The following SUPT3H variants were observed in gnomAD, a reference collection of about 807,000 sequenced individuals.
SUPT3H encodes SPT3 homolog, SAGA and STAGA complex component.
In SUPT3H, 44 loss-of-function variants were observed where a neutral mutation model predicts 44.3. That is an observed-to-expected ratio of 0.99 (90% confidence interval 0.78 to 1.28). SUPT3H has a LOEUF of 1.28. SUPT3H is among the 50% of genes most tolerant of loss of function. The pLI is 0.00. For missense variants in SUPT3H, 380 were observed against 387.1 expected (o/e 0.98, Z 0.15); for synonymous variants, 124 against 125.6 (o/e 0.99, Z 0.09).
chr6:45,304,758 G>C (rs1156916572), intron 2 of SUPT3H, among the ~76,000 whole-genome samples: 8 of 151,736 alleles, frequency 5.3e-5, no homozygotes, highest in Non-Finnish European at 1.2e-4. Context: ...ACCATTTAAT[G>C]GGTAAGAATG....
intron 9 of SUPT3H, among the ~76,000 whole-genome samples, chr6:44,935,611 C>T (rs1771275268): frequency 6.6e-6 from 1 of 152,152 alleles, no homozygotes; most frequent in African/African-American, 2.4e-5. Context: ...ATGTCAGGTC[C>T]TCTTCCTCTT....
At chr6:45,255,399 TAAC>T (rs1773182845) in intron 2 of SUPT3H, among the ~76,000 whole-genome samples, 1 of 149,118 alleles carries the variant, frequency 6.7e-6, no homozygotes, top group African/African-American at 2.5e-5. Flanking sequence ...ATTTCATTCT[TAAC>T]AACAACCTAT....
chr6:45,017,391 T>C (rs1784456675), intron 4 of SUPT3H, among the ~76,000 whole-genome samples: 1 of 151,202 alleles, frequency 6.6e-6, no homozygotes, highest in African/African-American at 2.4e-5. Context: ...TGCCATTGCT[T>C]TTGGTGTTTT....
intron 10 of SUPT3H, among the ~76,000 whole-genome samples, chr6:44,848,532 T>C (rs1442969054): frequency 6.6e-6 from 1 of 152,236 alleles, no homozygotes; most frequent in Non-Finnish European, 1.5e-5. Flanking sequence ...CTGTTGTCTT[T>C]ATTCTTGTGA....
At chr6:44,908,227 C>CGTG (rs1766428778) in intron 10 of SUPT3H, among the ~76,000 whole-genome samples, 1 of 150,500 alleles carries the variant, frequency 6.6e-6, no homozygotes, top group African/African-American at 2.4e-5. Context: ...TCTGAGCTCA[C>CGTG]TGCAAGCTCT....
At chr6:45,375,599 C>T (rs1397252808) in intron 1 of SUPT3H, among the ~76,000 whole-genome samples, 2 of 116,906 alleles carry the variant, frequency 1.7e-5, no homozygotes, top group East Asian at 3.9e-4. Flanking sequence ...AGGCTGGAAG[C>T]CTGGCCTGAC....
intron 3 of SUPT3H, among the ~76,000 whole-genome samples, chr6:45,088,575 T>G (rs1454864454): frequency 6.6e-6 from 1 of 152,092 alleles, no homozygotes; most frequent in African/African-American, 2.4e-5. Context: ...TGGCAAGTTA[T>G]GAAGCCAAGA....
intron 2 of SUPT3H, among the ~76,000 whole-genome samples, chr6:45,220,443 C>A (rs1356274957): frequency 6.6e-6 from 1 of 151,906 alleles, no homozygotes; most frequent in South Asian, 2.1e-4. Context: ...TTCCCAACAA[C>A]CAAAAAATGA....
intron 2 of SUPT3H, among the ~76,000 whole-genome samples, chr6:45,320,968 A>ATG (rs1303045582): frequency 2.6e-5 from 4 of 152,132 alleles, no homozygotes; most frequent in Non-Finnish European, 5.9e-5. Context: ...GCTTTTATAT[A>ATG]TATATTCCAG....
rs118096352 is a variant in SUPT3H at position 44,878,590 on chromosome 6, C to T, written c.913-48733G>A. Among the ~76,000 whole-genome samples, 126 of 151,974 alleles carry T rather than the reference C, an allele frequency of 8.3e-4. No homozygotes were observed. The East Asian group carries it at 0.021, about 26-fold the overall frequency. On this transcript the variant is annotated intron_variant, in intron 10 of 10. Transcript: ENST00000371459. ...GAAACTGGAACACTTACGCATTGCT[C>T]GTAGTAATATAAAATGGTATAGCTG...
At chr6:45,018,182 T>C (rs1223967374) in intron 4 of SUPT3H, among the ~76,000 whole-genome samples, 1 of 152,260 alleles carries the variant, frequency 6.6e-6, no homozygotes. Context: ...CTTGTGATTT[T>C]TGTACATTGA....
chr6:44,844,095 C>A (rs1009138925), intron 10 of SUPT3H, among the ~76,000 whole-genome samples: 7 of 152,038 alleles, frequency 4.6e-5, no homozygotes, highest in African/African-American at 4.8e-5. Flanking sequence ...TAGACCTACA[C>A]GTTTTTGGAG....
chr6:45,296,302 G>A (rs1439244903), intron 2 of SUPT3H, among the ~76,000 whole-genome samples: 1 of 151,774 alleles, frequency 6.6e-6, no homozygotes. Flanking sequence ...TCTAAGTGAA[G>A]TAATGCAGGA....
At chr6:44,905,497 A>C (rs552455284) in intron 10 of SUPT3H, among the ~76,000 whole-genome samples, 15 of 150,426 alleles carry the variant, frequency 1.0e-4, no homozygotes, top group Non-Finnish European at 2.1e-4. Context: ...TTAGAATGGC[A>C]ATCATTAAAA....
At chr6:44,886,144 T>C (rs918076933) in intron 10 of SUPT3H, among the ~76,000 whole-genome samples, 2 of 152,154 alleles carry the variant, frequency 1.3e-5, no homozygotes, top group South Asian at 2.1e-4. Flanking sequence ...GTCTGATTGG[T>C]GTTCCTGAAA....
rs1809657694 is a variant in SUPT3H at position 45,165,298 on chromosome 6, T to C, written c.102-59292A>G. On this transcript the variant is annotated intron_variant, in intron 2 of 10. Transcript: ENST00000371459. ...TCTACTGGAGAAGACTGAAGCCTGG[T>C]GTACTAAAAATGAATGTAGCAACAC... is the stretch of plus-strand genomic sequence containing the variant. Among the ~76,000 whole-genome samples, 3 of 152,136 alleles carry C rather than the reference T, an allele frequency of 2.0e-5. No individual in the cohort carries two copies. In the South Asian group the frequency reaches 6.2e-4, roughly 31 times the overall value.
intron 10 of SUPT3H, among the ~76,000 whole-genome samples, chr6:44,858,789 G>C (rs558180812): frequency 2.4e-4 from 36 of 152,222 alleles, no homozygotes; most frequent in South Asian, 2.3e-3. Flanking sequence ...ACAGAGCTTT[G>C]TTCCTATGGC....
intron 3 of SUPT3H, among the ~76,000 whole-genome samples, chr6:45,044,078 T>C (rs1356144658): frequency 6.6e-5 from 10 of 152,138 alleles, no homozygotes; most frequent in African/African-American, 9.7e-5. Context: ...TTCCCTCCCA[T>C]TTACCTAAAC....
At chr6:45,173,604 T>C (rs1584010786) in intron 2 of SUPT3H, among the ~76,000 whole-genome samples, 1 of 152,214 alleles carries the variant, frequency 6.6e-6, no homozygotes, top group Non-Finnish European at 1.5e-5. Context: ...ACACCTGTAG[T>C]AGATGCAGAA....
Sources: allele counts gnomAD v4.1 joint callset (sites outside exome capture counted in the v4.1 genomes callset), GRCh38; gene constraint gnomAD v4.1.1; transcripts MANE v1.5; gene names NCBI Gene and HGNC (gene_info 2026-07-23, HGNC 2026-07-21).